COMMD10: variants seen among roughly 807,000 people sequenced by gnomAD.
The protein encoded by COMMD10 is COMM domain-containing protein 10.
In COMMD10, 33 loss-of-function variants were observed where a neutral mutation model predicts 28.9. The observed-to-expected ratio is 1.14, with a 90% CI of 0.87 to 1.53. COMMD10 has a LOEUF of 1.53. Ranked by LOEUF, COMMD10 falls within the 40% of genes most tolerant of loss-of-function variation. The pLI, the probability that COMMD10 is intolerant of heterozygous loss-of-function variation, is 0.00. For missense variants in COMMD10, 310 were observed against 233.4 expected (o/e 1.33, Z -2.14); for synonymous variants, 110 against 81.7 (o/e 1.35, Z -1.87).
intron 4 of COMMD10, among the ~76,000 whole-genome samples, chr5:116,127,855 A>T (rs13170042): frequency 6.6e-6 from 1 of 151,800 alleles, no homozygotes; most frequent in Admixed American, 6.6e-5. Context: ...CAGCACACCA[A>T]CATGGCACAT....
intron 5 of COMMD10, among the ~76,000 whole-genome samples, chr5:116,235,103 T>A (rs1424691502): frequency 5.9e-5 from 9 of 152,202 alleles, no homozygotes. Context: ...ATATATACTT[T>A]TACCACTTAT....
chr5:116,098,807 C>G (rs539600330), intron 4 of COMMD10, among the ~76,000 whole-genome samples: 1 of 152,098 alleles, frequency 6.6e-6, no homozygotes, highest in African/African-American at 2.4e-5. Context: ...TTAAAAACTT[C>G]TTTTTTAAGC....
At chr5:116,194,763 T>C (rs1748465131) in intron 5 of COMMD10, among the ~76,000 whole-genome samples, 1 of 152,148 alleles carries the variant, frequency 6.6e-6, no homozygotes, top group African/African-American at 2.4e-5. Flanking sequence ...GTACCAATCC[T>C]TTTGATACTA....
chr5:116,117,533 G>A (rs13182605), intron 4 of COMMD10, among the ~76,000 whole-genome samples: 76,631 of 151,940 alleles, frequency 0.5, 21,925 homozygotes, highest in Non-Finnish European at 0.65. Context: ...GCACGATATC[G>A]GCTCACTGCA....
chr5:116,258,771 C>A (rs1044572332), intron 5 of COMMD10, among the ~76,000 whole-genome samples: 1 of 151,590 alleles, frequency 6.6e-6, no homozygotes, highest in African/African-American at 2.4e-5. Context: ...GGGTTTGATA[C>A]TACGCTAGGA....
intron 5 of COMMD10, among the ~76,000 whole-genome samples, chr5:116,148,829 T>A (rs1752422345): frequency 6.6e-6 from 1 of 151,580 alleles, no homozygotes; most frequent in Non-Finnish European, 1.5e-5. Flanking sequence ...TTATGGGATT[T>A]GTATTTGTTT....
chr5:116,220,636 A>G (rs910934476), intron 5 of COMMD10, among the ~76,000 whole-genome samples: 1 of 152,214 alleles, frequency 6.6e-6, no homozygotes, highest in Non-Finnish European at 1.5e-5. Context: ...AATATAACTC[A>G]CACGTCTGTT....
At chr5:116,184,121 A>G (rs1383843803) in intron 5 of COMMD10, among the ~76,000 whole-genome samples, 1 of 152,010 alleles carries the variant, frequency 6.6e-6, no homozygotes, top group African/African-American at 2.4e-5. Flanking sequence ...AGTTTTATAG[A>G]TCTCACATTG....
intron 5 of COMMD10, among the ~76,000 whole-genome samples, chr5:116,288,132 C>G (rs1751267909): frequency 6.6e-6 from 1 of 151,824 alleles, no homozygotes; most frequent in South Asian, 2.1e-4. Flanking sequence ...GTGATGAACT[C>G]CCATGGCTTT....
chr5:116,289,372 G>A (rs1751304449), intron 5 of COMMD10, among the ~76,000 whole-genome samples: 1 of 151,716 alleles, frequency 6.6e-6, no homozygotes, highest in Admixed American at 6.6e-5. Flanking sequence ...ACCTCCCCTA[G>A]TCTTTGCATA....
Position 116,188,267 on chromosome 5 carries a change from A to G in COMMD10, c.510+54089A>G, listed in dbSNP as rs1748208253. 4.6e-5 allele frequency among the ~76,000 whole-genome samples: 7 copies of G among 152,090 alleles called. No individual in the cohort carries two copies. In the South Asian group the frequency reaches 1.5e-3, roughly 32 times the overall value. Reference sequence around the variant, plus strand: ...TTATTGTTTTTGCCTTATCAAGTCCACTTGACTTAAAGTATGTTCTACAGG... The same window carrying G: ...TTATTGTTTTTGCCTTATCAAGTCCGCTTGACTTAAAGTATGTTCTACAGG... On this transcript the variant is annotated intron_variant, in intron 5 of 6. Coordinates refer to ENST00000274458, the MANE Select transcript of COMMD10 (RefSeq NM_016144.4).
At chr5:116,126,072 C>T (rs190238602) in intron 4 of COMMD10, among the ~76,000 whole-genome samples, 3 of 152,216 alleles carry the variant, frequency 2.0e-5, no homozygotes, top group African/African-American at 7.2e-5. Context: ...TAAGCAACTT[C>T]AGCAAAGTCT....
At chr5:116,121,629 C>T (rs1193230953) in intron 4 of COMMD10, among the ~76,000 whole-genome samples, 1 of 152,178 alleles carries the variant, frequency 6.6e-6, no homozygotes, top group Non-Finnish European at 1.5e-5. Flanking sequence ...TTCTCCACAT[C>T]CTCTTCAGCA....
intron 5 of COMMD10, among the ~76,000 whole-genome samples, chr5:116,203,086 G>T (rs189266638): frequency 5.9e-5 from 9 of 152,106 alleles, no homozygotes; most frequent in South Asian, 4.1e-4. Context: ...AAGGGATCCA[G>T]TTTCAGCTTT....
chr5:116,098,370 T>C (rs1010060570), intron 4 of COMMD10, among the ~76,000 whole-genome samples: 1 of 152,202 alleles, frequency 6.6e-6, no homozygotes, highest in African/African-American at 2.4e-5. Flanking sequence ...AACTGTGGGG[T>C]GCTTGCAGCA....
chr5:116,187,480 T>C (rs1338312560), intron 5 of COMMD10, among the ~76,000 whole-genome samples: 2 of 152,098 alleles, frequency 1.3e-5, no homozygotes, highest in Non-Finnish European at 2.9e-5. Flanking sequence ...TATTTTAGTG[T>C]AAAGATATTG....
chr5:116,197,900 G>A (rs62384233), intron 5 of COMMD10, among the ~76,000 whole-genome samples: 16,136 of 152,118 alleles, frequency 0.11, 952 homozygotes, highest in African/African-American at 0.15. Flanking sequence ...GAAATACTAA[G>A]TGCAGATTCA....
chr5:116,225,808 GT>G (rs113147659), intron 5 of COMMD10, among the ~76,000 whole-genome samples: 9,252 of 147,990 alleles, frequency 0.063, 388 homozygotes, highest in African/African-American at 0.13. Context: ...CTAAAATCTT[GT>G]TTTTTTTTTT....
intron 4 of COMMD10, among the ~76,000 whole-genome samples, chr5:116,115,023 C>T (rs1398250530): frequency 6.6e-6 from 1 of 152,112 alleles, no homozygotes; most frequent in Non-Finnish European, 1.5e-5. Flanking sequence ...CAGCAAACCA[C>T]AGATTGAGTT....
Sources: gnomAD v4.1 joint callset for allele counts (sites outside exome capture counted in the v4.1 genomes callset) on GRCh38, gnomAD v4.1.1 for gene constraint, MANE v1.5 for transcripts, NCBI Gene and HGNC (gene_info 2026-07-23, HGNC 2026-07-21) for gene names.